Variants in DYNC2H1 observed in about 807,000 individuals in gnomAD.
DYNC2H1 encodes the protein cytoplasmic dynein 2 heavy chain 1.
In DYNC2H1, 410 loss-of-function variants were observed where a neutral mutation model predicts 570.0. The observed-to-expected ratio is 0.72, with a 90% CI of 0.66 to 0.78. The LOEUF (loss-of-function observed/expected upper bound fraction) is 0.78, where lower values mean the gene tolerates loss of function less well. DYNC2H1 is among the 30% of genes least tolerant of loss of function. DYNC2H1 has a pLI of 0.00. For missense variants in DYNC2H1, 4,865 were observed against 5,046.4 expected, an observed-to-expected ratio of 0.96 and a Z score of 1.09; for synonymous variants, 1,688 against 1,677.6, an observed-to-expected ratio of 1.01 and a Z score of -0.15.
At chr11:103,297,623 A>C (rs1866888445) in intron 75 of DYNC2H1, among the ~76,000 whole-genome samples, 1 of 152,106 alleles carries the variant, frequency 6.6e-6, no homozygotes, top group Non-Finnish European at 1.5e-5. Flanking sequence ...AAACATAGAA[A>C]AGATACAGTA....
intron 83 of DYNC2H1, among the ~76,000 whole-genome samples, chr11:103,364,864 AT>A (rs1431971627): frequency 6.6e-6 from 1 of 152,062 alleles, no homozygotes; most frequent in Admixed American, 6.6e-5. Flanking sequence ...GGAGCCCAGA[AT>A]TCCACCCACA....
chr11:103,294,195 C>G (rs1473147977), intron 75 of DYNC2H1, among the ~76,000 whole-genome samples: 4 of 152,158 alleles, frequency 2.6e-5, no homozygotes, highest in Non-Finnish European at 5.9e-5. Context: ...TCTGTTACTT[C>G]AAGATTGGTG....
chr11:103,176,207 A>T, intron 36 of DYNC2H1, 28 bp from the exon 37 acceptor site: 1 of 1,444,952 alleles, frequency 6.9e-7, no homozygotes, highest in East Asian at 2.7e-5. Context: ...GTAATAATAA[A>T]TAATTTTAAA....
At chr11:103,223,804 GT>G (rs1336684828) in intron 59 of DYNC2H1, among the ~76,000 whole-genome samples, 6 of 150,700 alleles carry the variant, frequency 4.0e-5, no homozygotes, top group African/African-American at 1.5e-4. Context: ...CTGGAGTGCA[GT>G]GGCGCGATCT....
At chr11:103,278,708 A>G (rs1014097190) in intron 70 of DYNC2H1, among the ~76,000 whole-genome samples, 2 of 152,192 alleles carry the variant, frequency 1.3e-5, no homozygotes, top group African/African-American at 4.8e-5. Context: ...CTGGAACTAT[A>G]GGCGCATGCC....
chr11:103,306,906 A>T (rs1867310755), intron 77 of DYNC2H1, among the ~76,000 whole-genome samples: 1 of 152,182 alleles, frequency 6.6e-6, no homozygotes. Flanking sequence ...TTAATTTAGA[A>T]GAGACAGATC....
At position 103,245,182 on chromosome 11, in the gene DYNC2H1, C is replaced by G. The variant is rs956286733; in HGVS notation, c.9919-69C>G. 4.7e-6 allele frequency: 6 copies of G among 1,285,898 alleles called. No homozygotes were observed. The African/African-American group carries it at 6.1e-5, about 13-fold the overall frequency. 79.7% of individuals were successfully genotyped at this position (1,285,898 alleles called of 1,614,324 possible). ...ACATTTTGAAATTACTGTAGAAAAT[C>G]AAAGAAAGGATGTTTGTAAATATTA... On this transcript the variant is annotated intron_variant, in intron 64 of 88. Coordinates refer to ENST00000375735, the MANE Select transcript of DYNC2H1 (RefSeq NM_001377.3). This position sits in a 1 kb window ranked among gnomAD's most constrained non-coding sequence, Gnocchi z 4.5.
rs560307394 is a variant in DYNC2H1 at position 103,272,445 on chromosome 11, G to T, written c.10696-7903G>T. Reference sequence around the variant, plus strand: ...TCGTGGGGTGGGGGGATGGGGGAGGGATAGCATCAGGAGATATACCTAATG... The same window carrying T: ...TCGTGGGGTGGGGGGATGGGGGAGGTATAGCATCAGGAGATATACCTAATG... On this transcript the variant is annotated intron_variant, in intron 70 of 88. Coordinates refer to ENST00000375735, the MANE Select transcript of DYNC2H1 (RefSeq NM_001377.3). Among the ~76,000 whole-genome samples, 10 of 152,198 alleles carry T rather than the reference G, an allele frequency of 6.6e-5. 1 individual carries two copies. In the South Asian group the frequency reaches 2.1e-3, roughly 32 times the overall value.
At position 103,283,027 on chromosome 11, in the gene DYNC2H1, G is replaced by A. The variant is rs751215142; in HGVS notation, c.10832G>A (p.Arg3611His). The change falls in exon 73 of 89, where the codon CGT becomes CAT. Residue 3611 changes from arginine (R) to histidine (H), a missense_variant. This residue lies in a region of DYNC2H1 where 2,401 missense variants were observed against 2,454.6 expected (regional missense o/e 0.98). Coordinates refer to ENST00000375735, the MANE Select transcript of DYNC2H1 (RefSeq NM_001377.3). ...TTAAAGGACTCTCAACAAAAAATAC[G>A]TGATCAGCTTCCGTCTTGGATAGAT... ...LRKADSQQKI[R>H]DQLPSWIDQE... is the part of the protein sequence containing the mutation. 129 of 1,601,188 alleles carry A rather than the reference G, an allele frequency of 8.1e-5. No individual in the cohort carries two copies. The highest frequency in any genetic ancestry group is 1.0e-4 in the Non-Finnish European group (122 of 1,173,966).
In DYNC2H1 at chr11:103,191,545, A is replaced by T; in HGVS notation, c.7466A>T (p.Tyr2489Phe). The part of the protein sequence containing the change: ...QVRAKFTVDD[Y>F]SHYFFTPCIL... ...CGAGCCAAATTTACAGTTGATGATT[A>T]TAGTCACTATTTCTTTACTCCTTGC... Residue 2489 changes from tyrosine (Y) to phenylalanine (F), a missense_variant, in exon 46 of 89, where the codon TAT becomes TTT. By Grantham distance (22) the Tyr-to-Phe change is conservative. Coordinates refer to ENST00000375735, the MANE Select transcript of DYNC2H1 (RefSeq NM_001377.3). 2 of 1,609,016 alleles carry T rather than the reference A, an allele frequency of 1.2e-6. No individual in the cohort carries two copies. The highest frequency in any genetic ancestry group is 1.7e-6 in the Non-Finnish European group (2 of 1,177,430).
chr11:103,401,269 G>A (rs1445114041), intron 84 of DYNC2H1, among the ~76,000 whole-genome samples: 1 of 152,046 alleles, frequency 6.6e-6, no homozygotes, highest in Non-Finnish European at 1.5e-5. Flanking sequence ...TCAAATTTAT[G>A]TATCAAAATA....
intron 85 of DYNC2H1, among the ~76,000 whole-genome samples, chr11:103,453,442 T>C (rs1488383470): frequency 2.0e-5 from 3 of 148,894 alleles, no homozygotes; most frequent in Admixed American, 1.3e-4. Flanking sequence ...ATCTTTGTTA[T>C]TTATTTATCT....
chr11:103,185,281 G>A lies in DYNC2H1; in HGVS notation c.6633+230G>A, dbSNP rs953922381. ...CATTTTATAAAATAATGTTTTATAA[G>A]TTAAAGTTTGGACCATATCTTTTTT... On this transcript the variant is annotated intron_variant, in intron 41 of 88. Coordinates refer to ENST00000375735, the MANE Select transcript of DYNC2H1 (RefSeq NM_001377.3). The surrounding 1 kb of genome is among the most constrained non-coding windows in gnomAD (Gnocchi z 4.5). Among the ~76,000 whole-genome samples, 1 of 151,612 alleles carries A rather than the reference G, an allele frequency of 6.6e-6. No homozygotes were observed. The highest frequency in any genetic ancestry group is 1.5e-5 in the Non-Finnish European group (1 of 67,782).
intron 69 of DYNC2H1, among the ~76,000 whole-genome samples, chr11:103,259,092 A>G (rs1205656794): frequency 6.6e-6 from 1 of 152,180 alleles, no homozygotes; most frequent in Non-Finnish European, 1.5e-5. Context: ...GTATTTTTCT[A>G]AGCATTAAAA....
intron 2 of DYNC2H1, 89 bp from the exon 3 acceptor site, chr11:103,114,014 A>T: frequency 6.7e-7 from 1 of 1,483,508 alleles, no homozygotes; most frequent in Non-Finnish European, 9.1e-7. Context: ...GGCTTTAAGA[A>T]AAATGGGGTT....
chr11:103,127,578 C>T (rs937651100), intron 12 of DYNC2H1, among the ~76,000 whole-genome samples: 1 of 152,116 alleles, frequency 6.6e-6, no homozygotes, highest in African/African-American at 2.4e-5. Flanking sequence ...ATTTTTAAAG[C>T]ATCTACTATG....
rs1265872048 is a variant in DYNC2H1 at position 103,145,387 on chromosome 11, C to T, written c.2702+1992C>T. ...AGGAAAAGATAGTGCTTTTGTAGTG[C>T]TTGCACATGGGGTTTTTCTTCTCTG... On this transcript the variant is annotated intron_variant, in intron 18 of 88. Coordinates refer to ENST00000375735, the MANE Select transcript of DYNC2H1 (RefSeq NM_001377.3). This position sits in a 1 kb window ranked among gnomAD's most constrained non-coding sequence, Gnocchi z 4.2. 6.6e-6 allele frequency among the ~76,000 whole-genome samples: 1 copy of T among 152,052 alleles called. No individual in the cohort carries two copies. The highest frequency in any genetic ancestry group is 2.4e-5 in the African/African-American group (1 of 41,400).
At chr11:103,220,484 G>A in intron 56 of DYNC2H1, 139 bp from the exon 57 acceptor site, 1 of 847,666 alleles carries the variant, frequency 1.2e-6, no homozygotes, top group Non-Finnish European at 1.7e-6. Context: ...ATGATTGAAA[G>A]CATTTTGATA....
At chr11:103,387,957 T>C (rs1435309871) in intron 83 of DYNC2H1, among the ~76,000 whole-genome samples, 4 of 152,224 alleles carry the variant, frequency 2.6e-5, no homozygotes, top group Non-Finnish European at 4.4e-5. Flanking sequence ...GCTTTGTTTT[T>C]TGGCTTGGGA....
Sources: gnomAD v4.1 joint callset for allele counts (sites outside exome capture counted in the v4.1 genomes callset) on GRCh38, gnomAD v4.1.1 for gene constraint, gnomAD v4.1.1 regional missense constraint, Gnocchi (gnomAD v3.1) non-coding constraint, MANE v1.5 for transcripts, NCBI Gene and HGNC (gene_info 2026-07-23, HGNC 2026-07-21) for gene names.